Variants in MAN2B2 observed in about 807,000 individuals in gnomAD.
The protein encoded by MAN2B2 is mannosidase alpha class 2B member 2, also known as epididymis-specific alpha-mannosidase.
In MAN2B2, 106 loss-of-function variants were observed where a neutral mutation model predicts 117.1. The observed-to-expected ratio is 0.90, with a 90% CI of 0.77 to 1.06. MAN2B2 has a LOEUF of 1.06. MAN2B2 is among the 50% of genes least tolerant of loss of function. The probability of loss-of-function intolerance (pLI) is 0.00; values close to 1 mark genes in which losing one functional copy is unlikely to be tolerated. For missense variants in MAN2B2, 1,326 were observed against 1,381.4 expected (o/e 0.96, Z 0.64); for synonymous variants, 544 against 595.1 (o/e 0.91, Z 1.25).
Position 6,614,320 on chromosome 4 carries a change from C to G in MAN2B2, c.2666C>G (p.Ser889Cys), listed in dbSNP as rs890123784. 1 of 1,614,150 alleles carries G rather than the reference C, an allele frequency of 6.2e-7. No homozygotes were observed. Among genetic ancestry groups the G allele is most frequent in the African/African-American group, 1.3e-5 (1 of 75,050 alleles). Residue 889 changes from serine (S) to cysteine (C), a missense_variant, in exon 16 of 19, where the codon TCC becomes TGC. By Grantham distance (112) the Ser-to-Cys change is moderately radical. Transcript: ENST00000285599. ...ILSIPGWRYS[S>C]NHTEHSQNLR... Reference sequence around the variant, plus strand: ...AGCATCCCTGGCTGGCGCTACAGCTCCAACCACACGGAGCACTCTCAGAAT... The same window carrying G: ...AGCATCCCTGGCTGGCGCTACAGCTGCAACCACACGGAGCACTCTCAGAAT...
intron 3 of MAN2B2, among the ~76,000 whole-genome samples, chr4:6,579,256 TCAC>T (rs1560634839): frequency 2.5e-4 from 2 of 7,894 alleles, no homozygotes; most frequent in African/African-American, 3.6e-4. Flanking sequence ...TTCACCACCA[TCAC>T]CACCACCACC....
chr4:6,597,112 G>T lies in MAN2B2; in HGVS notation c.1058-1G>T. On this transcript the variant is annotated splice_acceptor_variant, in intron 7 of 18. Coordinates refer to ENST00000285599, the MANE Select transcript of MAN2B2 (RefSeq NM_015274.3). LOFTEE classifies it high-confidence loss of function. ...GCTCACCATCTTCCCTTGTCTCCCA[G>T]AACCATTCCAGGCCTGGACGGGCTT... 1 of 1,612,884 alleles carries T rather than the reference G, an allele frequency of 6.2e-7. No homozygotes were observed.
chr4:6,596,534 C>G (rs948101984), intron 7 of MAN2B2, among the ~76,000 whole-genome samples: 9 of 152,142 alleles, frequency 5.9e-5, no homozygotes, highest in Admixed American at 5.2e-4. Flanking sequence ...CTGCATGGGC[C>G]CTGGGCATCC....
chr4:6,597,440 T>G, intron 8 of MAN2B2, 137 bp downstream of exon 8: 1 of 976,292 alleles, frequency 1.0e-6, no homozygotes, highest in Non-Finnish European at 1.4e-6. Context: ...AGGTTCCCTT[T>G]GGTTACAAGG....
intron 6 of MAN2B2, among the ~76,000 whole-genome samples, chr4:6,594,127 G>T (rs1422393651): frequency 1.3e-5 from 2 of 152,078 alleles, no homozygotes; most frequent in Non-Finnish European, 2.9e-5. Flanking sequence ...ATTTGGATAA[G>T]TAGTAACACT....
At chr4:6,598,800 A>G (rs545802435) in intron 9 of MAN2B2, among the ~76,000 whole-genome samples, 63 of 152,300 alleles carry the variant, frequency 4.1e-4, no homozygotes, top group African/African-American at 1.5e-3. Context: ...CTTGGCAGAG[A>G]GTACGCCGGT....
At position 6,619,923 on chromosome 4, in the gene MAN2B2, G is replaced by A. The variant is rs1199579928; in HGVS notation, c.2815-4G>A. The A allele has an allele frequency of 1.2e-6, 2 of 1,613,060 alleles. No individual in the cohort carries two copies. The highest frequency in any genetic ancestry group is 2.2e-5 in the East Asian group (1 of 44,864). ...TCACTCTCCCTCTGCTCCTCTCCCTGCAGGCTGTGCTGCAGGCGCTGGGGT... is the reference window on the plus strand; with the variant it reads ...TCACTCTCCCTCTGCTCCTCTCCCTACAGGCTGTGCTGCAGGCGCTGGGGT... On this transcript the variant is annotated splice_region_variant and splice_polypyrimidine_tract_variant and intron_variant, in intron 17 of 18. Transcript: ENST00000285599.
Position 6,605,128 on chromosome 4 carries a change from G to A in MAN2B2, c.1613G>A (p.Arg538Gln), listed in dbSNP as rs774209866. ...ILTTIPGLSYRHYNIRPTAGA... is the reference protein window; with the variant it reads ...ILTTIPGLSYQHYNIRPTAGA... ...ACCACAATCCCAGGCCTCAGTTACC[G>A]GCACTACAACATCAGACCCACTGCA... Residue 538 changes from arginine to glutamine, a missense_variant, in exon 11 of 19, where the codon CGG becomes CAG. Physicochemically the swap from Arg to Gln is conservative, Grantham distance 43. Transcript: ENST00000285599. 69 of 1,614,022 alleles carry A rather than the reference G, an allele frequency of 4.3e-5. No individual in the cohort carries two copies. Among genetic ancestry groups the A allele is most frequent in the East Asian group, 1.3e-4 (6 of 44,892 alleles).
intron 11 of MAN2B2, among the ~76,000 whole-genome samples, chr4:6,607,500 C>T (rs1322863820): frequency 2.6e-5 from 4 of 152,236 alleles, no homozygotes; most frequent in African/African-American, 9.6e-5. Flanking sequence ...CCACCATGCC[C>T]AACCCACAAC....
chr4:6,607,115 T>G (rs915531084), intron 11 of MAN2B2, among the ~76,000 whole-genome samples: 5 of 152,204 alleles, frequency 3.3e-5, no homozygotes, highest in Non-Finnish European at 7.3e-5. Context: ...AATCCTAGAC[T>G]ATTTCTGTCT....
At chr4:6,596,355 C>T (rs1398389507) in intron 7 of MAN2B2, among the ~76,000 whole-genome samples, 1 of 152,126 alleles carries the variant, frequency 6.6e-6, no homozygotes, top group East Asian at 1.9e-4. Flanking sequence ...GTCCCCTGGG[C>T]CATGTGACCA....
At chr4:6,584,255 T>C (rs995117580) in intron 3 of MAN2B2, among the ~76,000 whole-genome samples, 2 of 152,182 alleles carry the variant, frequency 1.3e-5, no homozygotes, top group African/African-American at 4.8e-5. Flanking sequence ...CTTAACAAGA[T>C]GGGGATAGTT....
At chr4:6,584,384 A>C (rs757936199) in intron 3 of MAN2B2, among the ~76,000 whole-genome samples, 2 of 152,228 alleles carry the variant, frequency 1.3e-5, no homozygotes, top group Non-Finnish European at 2.9e-5. Flanking sequence ...CAAGGCAGTA[A>C]AAGGAAGAGA....
chr4:6,605,347 C>T lies in MAN2B2; in HGVS notation c.1814+18C>T, dbSNP rs1232284150. On this transcript the variant is annotated intron_variant, in intron 11 of 18. Transcript: ENST00000285599. ...TGGGAGAGGTAAGGTGCAGCCATTG[C>T]TGTCTCTGAGGCACAGGCATGCCTG... The T allele has an allele frequency of 1.3e-6, 2 of 1,593,886 alleles. No homozygotes were observed. Among genetic ancestry groups the T allele is most frequent in the South Asian group, 1.1e-5 (1 of 89,336 alleles).
In MAN2B2 at chr4:6,623,057, G is replaced by C. The variant is rs1452300612; in HGVS notation, c.*1772G>C. The stretch of plus-strand genomic sequence containing the variant: ...GTGGGCTGCATGAGGCTTGGTTTCT[G>C]TGTCAAGAAGACTATGGAGGCTGGG... On this transcript the variant is annotated 3_prime_UTR_variant, in exon 19 of 19. Transcript: ENST00000285599. 1 of 151,846 alleles carries C rather than the reference G, an allele frequency of 6.6e-6. No homozygotes were observed. Among genetic ancestry groups the C allele is most frequent in the Non-Finnish European group, 1.5e-5 (1 of 68,154 alleles). 9.4% of individuals were successfully genotyped at this position (151,846 alleles called of 1,614,324 possible). A position where few individuals can be genotyped will look rare whatever the true frequency, so the allele number is the denominator to read the frequency against.
rs1180336537 is a variant in MAN2B2 at position 6,621,850 on chromosome 4, A to G, written c.*565A>G. ...CAGGGCACCGCCTGCCGAGCAGAGA[A>G]GGCACAGCAGCCGTCAGAGTCCATG... On this transcript the variant is annotated 3_prime_UTR_variant, in exon 19 of 19. Transcript: ENST00000285599. 2 of 152,602 alleles carry G rather than the reference A, an allele frequency of 1.3e-5. No homozygotes were observed. Among genetic ancestry groups the G allele is most frequent in the African/African-American group, 4.8e-5 (2 of 41,486 alleles). 9.5% of individuals were successfully genotyped at this position (152,602 alleles called of 1,614,324 possible). A position where few individuals can be genotyped will look rare whatever the true frequency, so the allele number is the denominator to read the frequency against.
At chr4:6,602,731 A>G (rs1167289137) in intron 10 of MAN2B2, among the ~76,000 whole-genome samples, 1 of 149,004 alleles carries the variant, frequency 6.7e-6, no homozygotes, top group African/African-American at 2.5e-5. Context: ...GTGCAGTGGC[A>G]CAATCACAGC....
intron 16 of MAN2B2, 47 bp downstream of exon 16, chr4:6,614,402 G>A (rs1009669909): frequency 1.3e-6 from 2 of 1,599,258 alleles, no homozygotes; most frequent in African/African-American, 1.3e-5. Flanking sequence ...CCCTCCCTGA[G>A]TCAAACAGGC....
intron 12 of MAN2B2, 41 bp from the exon 13 acceptor site, chr4:6,609,757 G>A: frequency 6.2e-7 from 1 of 1,600,232 alleles, no homozygotes; most frequent in Non-Finnish European, 8.5e-7. Flanking sequence ...CATCTAGAAG[G>A]TTCCTGGAGC....
Sources: gnomAD v4.1 joint callset for allele counts (sites outside exome capture counted in the v4.1 genomes callset) on GRCh38, gnomAD v4.1.1 for gene constraint, MANE v1.5 for transcripts, NCBI Gene and HGNC (gene_info 2026-07-23, HGNC 2026-07-21) for gene names.